SUSD4: variants seen among roughly 807,000 people sequenced by gnomAD.
The protein encoded by SUSD4 is sushi domain-containing protein 4.
SUSD4 carries 41 observed loss-of-function variants against 50.5 expected under a neutral mutation model. The observed-to-expected ratio is 0.81, with a 90% confidence interval of 0.63 to 1.05. The LOEUF is 1.05. Among genes scored for constraint, SUSD4 ranks in the 50% least tolerant of loss-of-function variants. The pLI is 0.00. For missense variants in SUSD4, 580 were observed against 634.7 expected, an observed-to-expected ratio of 0.91 and a Z score of 0.93; for synonymous variants, 257 against 257.3, an observed-to-expected ratio of 1.00 and a Z score of 0.01.
chr1:223,262,877 C>T (rs1662219642), intron 5 of SUSD4, among the ~76,000 whole-genome samples: 1 of 152,196 alleles, frequency 6.6e-6, no homozygotes, highest in African/African-American at 2.4e-5. Context: ...TTCCCATCTA[C>T]TCATAGTGGA....
chr1:223,354,856 C>T (rs542880801), intron 2 of SUSD4, among the ~76,000 whole-genome samples: 3 of 152,302 alleles, frequency 2.0e-5, no homozygotes, highest in Admixed American at 1.3e-4. Context: ...AAGGATTCTT[C>T]TATGTACTGA....
intron 5 of SUSD4, among the ~76,000 whole-genome samples, chr1:223,247,033 C>A (rs1660982707): frequency 6.6e-6 from 1 of 152,156 alleles, no homozygotes; most frequent in Non-Finnish European, 1.5e-5. Flanking sequence ...TCCTTCTGAG[C>A]CACTGAGCCC....
At chr1:223,346,088 GCATTTT>G (rs1392115682) in intron 2 of SUSD4, among the ~76,000 whole-genome samples, 1 of 152,128 alleles carries the variant, frequency 6.6e-6, no homozygotes, top group African/African-American at 2.4e-5. Context: ...GCCGTCCTGT[GCATTTT>G]AAGATGTTTC....
chr1:223,229,481 T>A lies in SUSD4; in HGVS notation c.725-93A>T. The stretch of plus-strand genomic sequence containing the variant: ...GAAGAATGGCCTAGGAGAACTCAGT[T>A]AAAAATGTGCTTATGGATTAATCAC... On this transcript the variant is annotated intron_variant, in intron 5 of 8. Coordinates refer to ENST00000366878, the MANE Select transcript of SUSD4 (RefSeq NM_017982.4). This position sits in a 1 kb window ranked among gnomAD's most constrained non-coding sequence, Gnocchi z 4.7. 1 of 1,225,748 alleles carries A rather than the reference T, an allele frequency of 8.2e-7. No individual in the cohort carries two copies. The highest frequency in any genetic ancestry group is 1.1e-6 in the Non-Finnish European group (1 of 902,446). The allele number at this position is 1,225,748 out of a possible 1,614,324, so 75.9% of individuals were successfully genotyped here. A position where few individuals can be genotyped will look rare whatever the true frequency, so the allele number is the denominator to read the frequency against.
intron 2 of SUSD4, among the ~76,000 whole-genome samples, chr1:223,331,337 T>C (rs1167817625): frequency 2.0e-5 from 3 of 152,170 alleles, no homozygotes; most frequent in Non-Finnish European, 4.4e-5. Flanking sequence ...GCACAGAACA[T>C]TGCCCTGGGC....
At chr1:223,224,457 T>C (rs1343318811) in intron 7 of SUSD4, among the ~76,000 whole-genome samples, 4 of 151,976 alleles carry the variant, frequency 2.6e-5, no homozygotes, top group Non-Finnish European at 5.9e-5. Context: ...ATAAAAATCA[T>C]TACATTTTAG....
At chr1:223,247,055 C>T (rs941174371) in intron 5 of SUSD4, among the ~76,000 whole-genome samples, 5 of 152,148 alleles carry the variant, frequency 3.3e-5, no homozygotes, top group Admixed American at 3.3e-4. Flanking sequence ...GGTGCTTTGA[C>T]TGAGTATTTT....
intron 5 of SUSD4, among the ~76,000 whole-genome samples, chr1:223,246,468 C>T (rs1302168391): frequency 6.6e-6 from 1 of 151,928 alleles, no homozygotes; most frequent in East Asian, 1.9e-4. Context: ...AGGGAGAGCC[C>T]CGCCCCCACC....
chr1:223,286,085 C>T (rs555253854), intron 3 of SUSD4, among the ~76,000 whole-genome samples: 19 of 152,202 alleles, frequency 1.2e-4, no homozygotes, highest in Non-Finnish European at 2.1e-4. Context: ...GCTGGGACTA[C>T]AGGTGTACAC....
chr1:223,354,209 C>T (rs1668529582), intron 2 of SUSD4, among the ~76,000 whole-genome samples: 1 of 152,024 alleles, frequency 6.6e-6, no homozygotes, highest in African/African-American at 2.4e-5. Context: ...TAAACATTAA[C>T]CAAATAATAC....
At chr1:223,287,769 C>G (rs1427575461) in intron 3 of SUSD4, among the ~76,000 whole-genome samples, 8 of 152,176 alleles carry the variant, frequency 5.3e-5, no homozygotes, top group Admixed American at 5.2e-4. Flanking sequence ...AGTGACTACT[C>G]TCAGAGCTGC....
intron 2 of SUSD4, among the ~76,000 whole-genome samples, chr1:223,357,294 A>T (rs1264428505): frequency 6.6e-6 from 1 of 152,222 alleles, no homozygotes; most frequent in Non-Finnish European, 1.5e-5. Flanking sequence ...CACAACACAC[A>T]AGAGTTCCCT....
intron 3 of SUSD4, chr1:223,289,242 C>T (rs1322379019): frequency 3.0e-6 from 3 of 985,298 alleles, no homozygotes; most frequent in East Asian, 2.3e-4. Flanking sequence ...TTCACCCATG[C>T]TTGGGGTCAT....
chr1:223,252,893 C>A (rs1661431041), intron 5 of SUSD4, among the ~76,000 whole-genome samples: 1 of 151,830 alleles, frequency 6.6e-6, no homozygotes, highest in South Asian at 2.1e-4. Flanking sequence ...GAATTTGAGA[C>A]CAGCCTGGCC....
chr1:223,292,446 C>G lies in SUSD4; in HGVS notation c.354G>C (p.Val118=). The change falls in exon 3 of 9, where the codon GTG becomes GTC. Residue 118 remains valine (V), a synonymous_variant. Coordinates refer to ENST00000366878, the MANE Select transcript of SUSD4 (RefSeq NM_017982.4). ...GAGAAGTAAGCACTTTACCTTCTTG[C>G]ACACAGATGGAATTATCACTTGGGA... ...GWIPSDNSIC[V]QEDCRIPQIE... The G allele has an allele frequency of 6.2e-7, 1 of 1,614,148 alleles. No homozygotes were observed. The highest frequency in any genetic ancestry group is 8.5e-7 in the Non-Finnish European group (1 of 1,180,012).
intron 3 of SUSD4, among the ~76,000 whole-genome samples, chr1:223,271,331 G>C (rs1662906922): frequency 6.6e-6 from 1 of 152,204 alleles, no homozygotes; most frequent in Non-Finnish European, 1.5e-5. Context: ...TCTCAGCATA[G>C]TGTTGTGTAA....
chr1:223,227,840 G>A lies in SUSD4; in HGVS notation c.917-102C>T. Reference sequence around the variant, plus strand: ...GCTGGATTCATCTGGCACAAGAGATGCGTGCAAGGTGCCTCTGACCCCCAG... The same window carrying A: ...GCTGGATTCATCTGGCACAAGAGATACGTGCAAGGTGCCTCTGACCCCCAG... On this transcript the variant is annotated intron_variant, in intron 6 of 8. Coordinates refer to ENST00000366878, the MANE Select transcript of SUSD4 (RefSeq NM_017982.4). The surrounding 1 kb of genome is among the most constrained non-coding windows in gnomAD (Gnocchi z 4.5). 1 of 1,443,384 alleles carries A rather than the reference G, an allele frequency of 6.9e-7. No homozygotes were observed. Among genetic ancestry groups the A allele is most frequent in the Non-Finnish European group, 9.3e-7 (1 of 1,070,940 alleles). The allele number at this position is 1,443,384 out of a possible 1,614,324, so 89.4% of individuals were successfully genotyped here.
At chr1:223,265,372 T>C (rs1030922772) in intron 4 of SUSD4, among the ~76,000 whole-genome samples, 1 of 152,234 alleles carries the variant, frequency 6.6e-6, no homozygotes. Flanking sequence ...TTGTGTTTTA[T>C]GTAAAACAGA....
At chr1:223,358,267 G>A (rs575680999) in intron 2 of SUSD4, among the ~76,000 whole-genome samples, 1 of 152,102 alleles carries the variant, frequency 6.6e-6, no homozygotes, top group East Asian at 1.9e-4. Flanking sequence ...TGGATGGATG[G>A]ATGGGTGGGA....
Sources: gnomAD v4.1 joint callset for allele counts (sites outside exome capture counted in the v4.1 genomes callset) on GRCh38, gnomAD v4.1.1 for gene constraint, Gnocchi (gnomAD v3.1) non-coding constraint, MANE v1.5 for transcripts, NCBI Gene and HGNC (gene_info 2026-07-23, HGNC 2026-07-21) for gene names.